IQSEC1: variants seen among roughly 807,000 people sequenced by gnomAD.
IQSEC1 encodes the protein IQ motif and SEC7 domain-containing protein 1.
A neutral mutation model predicts 91.0 loss-of-function variants in IQSEC1; 31 were observed. That is an observed-to-expected ratio of 0.34 (90% CI 0.26 to 0.46). IQSEC1 has a LOEUF of 0.46. Among genes scored for constraint, IQSEC1 ranks in the 20% least tolerant of loss-of-function variants. The pLI is 1.00. For synonymous variants in IQSEC1, 699 were observed against 662.6 expected (o/e 1.05, Z -0.84); for missense variants, 1,388 against 1,575.6 (o/e 0.88, Z 2.02).
intron 1 of IQSEC1, among the ~76,000 whole-genome samples, chr3:13,235,013 G>T (rs374602121): frequency 6.6e-6 from 1 of 152,172 alleles, no homozygotes; most frequent in Admixed American, 6.5e-5. Context: ...GCCGGGGCAT[G>T]GGGCCCACGG....
At chr3:13,032,910 C>T (rs1208637125) in intron 1 of IQSEC1, among the ~76,000 whole-genome samples, 2 of 152,158 alleles carry the variant, frequency 1.3e-5, no homozygotes, top group African/African-American at 2.4e-5. Flanking sequence ...CCACATTGGT[C>T]GATCTGTTCA....
intron 1 of IQSEC1, among the ~76,000 whole-genome samples, chr3:12,969,119 TTGCTC>T (rs1426631896): frequency 6.6e-6 from 1 of 152,128 alleles, no homozygotes; most frequent in Non-Finnish European, 1.5e-5. Context: ...CATGTTTTCT[TTGCTC>T]TGTTAAAAAT....
upstream of IQSEC1, among the ~76,000 whole-genome samples, chr3:13,074,042 C>T (rs1350509593): frequency 6.6e-6 from 1 of 152,122 alleles, no homozygotes; most frequent in African/African-American, 2.4e-5. Flanking sequence ...TTCCATGTGC[C>T]GGGCAAGTAT....
At chr3:13,208,170 C>T (rs1022607665) in intron 1 of IQSEC1, among the ~76,000 whole-genome samples, 13 of 149,980 alleles carry the variant, frequency 8.7e-5, no homozygotes, top group Admixed American at 6.0e-4. Flanking sequence ...ACTGCACGGC[C>T]ACTAGATCTG....
chr3:13,165,517 G>A (rs368090162), intron 1 of IQSEC1, among the ~76,000 whole-genome samples: 1 of 113,538 alleles, frequency 8.8e-6, no homozygotes, highest in Non-Finnish European at 1.8e-5. Context: ...CAAGCGGGGG[G>A]GTGGGGGGTG....
intron 1 of IQSEC1, among the ~76,000 whole-genome samples, chr3:12,957,940 A>G (rs1376443101): frequency 6.6e-6 from 1 of 152,196 alleles, no homozygotes; most frequent in African/African-American, 2.4e-5. Flanking sequence ...CAACCTTTTG[A>G]AGCAGGTACT....
chr3:13,053,584 G>T (rs1704771873), intron 1 of IQSEC1, among the ~76,000 whole-genome samples: 1 of 152,196 alleles, frequency 6.6e-6, no homozygotes, highest in East Asian at 1.9e-4. Context: ...CTGGGAGTCG[G>T]CTCACAGCCC....
chr3:13,166,142 C>T (rs1485583343), intron 1 of IQSEC1, among the ~76,000 whole-genome samples: 2 of 152,248 alleles, frequency 1.3e-5, no homozygotes, highest in South Asian at 2.1e-4. Context: ...CAGGACAGAA[C>T]ACAAGACCAT....
chr3:13,177,574 C>CACG (rs1396658350), intron 1 of IQSEC1, among the ~76,000 whole-genome samples: 3 of 152,174 alleles, frequency 2.0e-5, no homozygotes, highest in Non-Finnish European at 4.4e-5. Flanking sequence ...CCCCATTCCC[C>CACG]ATCCCTGTGG....
intron 2 of IQSEC1, among the ~76,000 whole-genome samples, chr3:13,104,973 C>A (rs559350782): frequency 2.0e-5 from 3 of 152,238 alleles, no homozygotes; most frequent in African/African-American, 2.4e-5. Context: ...AACCTGAAAT[C>A]TTCCGGTTTG....
At chr3:12,974,777 C>A (rs546676994) in intron 1 of IQSEC1, among the ~76,000 whole-genome samples, 1 of 152,314 alleles carries the variant, frequency 6.6e-6, no homozygotes, top group Non-Finnish European at 1.5e-5. Context: ...TCATACTCAT[C>A]CCACCTTCCC....
At chr3:12,972,504 G>A (rs1019641686) in intron 1 of IQSEC1, among the ~76,000 whole-genome samples, 7 of 152,184 alleles carry the variant, frequency 4.6e-5, no homozygotes, top group African/African-American at 1.4e-4. Context: ...CACAAAAATC[G>A]ATAAGACTGG....
chr3:13,268,251 G>T (rs1559290163), intron 1 of IQSEC1, among the ~76,000 whole-genome samples: 1 of 152,236 alleles, frequency 6.6e-6, no homozygotes, highest in Non-Finnish European at 1.5e-5. Flanking sequence ...CCAGGTCCAT[G>T]TCTGGTCCTT....
At chr3:13,061,845 T>G (rs923305822) in intron 1 of IQSEC1, among the ~76,000 whole-genome samples, 9 of 152,286 alleles carry the variant, frequency 5.9e-5, no homozygotes, top group Admixed American at 5.2e-4. Context: ...CCCAGCCCAG[T>G]GGTTCGGGGG....
At chr3:13,026,864 G>GC (rs370534423) in intron 1 of IQSEC1, among the ~76,000 whole-genome samples, 37,421 of 88,758 alleles carry the variant, frequency 0.42, 7,050 homozygotes, top group African/African-American at 0.47. Flanking sequence ...TATCTCCCCA[G>GC]TTTTTTTTTT....
intron 1 of IQSEC1, chr3:13,015,466 C>T (rs892180383): frequency 1.1e-5 from 7 of 649,518 alleles, no homozygotes; most frequent in Admixed American, 6.3e-5. Context: ...AAAACTCTGA[C>T]GACAGCCCCC....
intron 6 of IQSEC1, among the ~76,000 whole-genome samples, chr3:12,919,986 C>A (rs1696468524): frequency 6.6e-6 from 1 of 152,268 alleles, no homozygotes; most frequent in South Asian, 2.1e-4. Flanking sequence ...TAGAACTCAG[C>A]AGCACTGCTT....
At chr3:13,267,391 A>G (rs1695510238) in intron 1 of IQSEC1, among the ~76,000 whole-genome samples, 1 of 152,156 alleles carries the variant, frequency 6.6e-6, no homozygotes, top group Non-Finnish European at 1.5e-5. Context: ...TTCAGTGGAG[A>G]TAAAAGAAAC....
chr3:13,109,791 CTT>C (rs71991259), intron 2 of IQSEC1, among the ~76,000 whole-genome samples: 31,818 of 146,284 alleles, frequency 0.22, 3,421 homozygotes, highest in South Asian at 0.32. Context: ...CTGATTAAAC[CTT>C]TTTTTTTTTT....
Sources: gnomAD v4.1 joint callset for allele counts (sites outside exome capture counted in the v4.1 genomes callset) on GRCh38, gnomAD v4.1.1 for gene constraint, MANE v1.5 for transcripts, NCBI Gene and HGNC (gene_info 2026-07-23, HGNC 2026-07-21) for gene names.